DMBT1: variants seen among roughly 807,000 people sequenced by gnomAD.
The protein encoded by DMBT1 is deleted in malignant brain tumors 1.
A neutral mutation model predicts 252.9 loss-of-function variants in DMBT1; 198 were observed. That is an observed-to-expected ratio of 0.78 (90% CI 0.70 to 0.88). The LOEUF is 0.88. Among genes scored for constraint, DMBT1 ranks in the 40% least tolerant of loss-of-function variants. The pLI is 0.00. For synonymous variants in DMBT1, 990 were observed against 942.7 expected (o/e 1.05, Z -0.92); for missense variants, 2,432 against 2,404.7 (o/e 1.01, Z -0.24).
Position 122,597,990 on chromosome 10 carries a change from C to T in DMBT1, c.2934C>T (p.Ile978=). The part of the protein sequence containing the change: ...STPSPDTLPT[I]TLPASTVGSE... The stretch of plus-strand genomic sequence containing the variant: ...CAATTACAGACACATTGCCGACCAT[C>T]ACCTTGCCTGCATCGACAGTAGGTA... The change falls in exon 25 of 56, where the codon ATC becomes ATT. Residue 978 remains isoleucine (I), a synonymous_variant. Transcript: ENST00000338354. The T allele has an allele frequency of 5.0e-6, 8 of 1,613,936 alleles. No homozygotes were observed. The highest frequency in any genetic ancestry group is 6.8e-6 in the Non-Finnish European group (8 of 1,179,866).
Position 122,598,806 on chromosome 10 carries a change from A to T in DMBT1, c.2989A>T (p.Asn997Tyr). ...SESSLALRLV[N>Y]GGDRCQGRVE... ...ATCCAGTTTGGCCCTGAGGCTGGTGAATGGAGGTGACAGGTGTCAGGGCCG... is the reference window on the plus strand; with the variant it reads ...ATCCAGTTTGGCCCTGAGGCTGGTGTATGGAGGTGACAGGTGTCAGGGCCG... Residue 997 changes from asparagine (N) to tyrosine (Y), a missense_variant, in exon 26 of 56, where the codon AAT becomes TAT. By Grantham distance (143) the Asn-to-Tyr change is moderately radical. Transcript: ENST00000338354. 6.2e-7 allele frequency: 1 copy of T among 1,613,406 alleles called. No individual in the cohort carries two copies. Among genetic ancestry groups the T allele is most frequent in the Non-Finnish European group, 8.5e-7 (1 of 1,179,736 alleles).
chr10:122,568,001 T>C (rs1009385060), intron 2 of DMBT1, among the ~76,000 whole-genome samples: 64 of 152,152 alleles, frequency 4.2e-4, no homozygotes, highest in African/African-American at 1.5e-3. Flanking sequence ...GCTGATTGAA[T>C]CAATGAATGT....
rs893139091 is a variant in DMBT1, at chr10:122,589,556, G to A, written c.2107+289G>A. Among the ~76,000 whole-genome samples the A allele has an allele frequency of 2.0e-4, 30 of 148,224 alleles. 1 individual carries two copies. Among genetic ancestry groups the A allele is most frequent in the African/African-American group, 7.3e-4 (30 of 41,036 alleles). On this transcript the variant is annotated intron_variant, in intron 17 of 55. Coordinates refer to ENST00000338354, the MANE Select transcript of DMBT1 (RefSeq NM_001377530.1). ...AAGGGCTGGGTCTTTGCATTTTAGT[G>A]TGGCTGGAAAGGAATGGCTGGGGTC...
Position 122,597,838 on chromosome 10 carries a change from C to A in DMBT1, c.2918-136C>A, listed in dbSNP as rs189956731. On this transcript the variant is annotated intron_variant, in intron 24 of 55. Transcript: ENST00000338354. ...GAGCTTGCTGAGCTGCAGACTTGGG[C>A]AGACACATGGGGAGCAAGTGGCAGG... 569 of 1,318,196 alleles carry A rather than the reference C, an allele frequency of 4.3e-4. 3 individuals are homozygous for A. In the African/African-American group the frequency reaches 6.6e-3, roughly 15 times the overall value. 81.7% of individuals were successfully genotyped at this position (1,318,196 alleles called of 1,614,324 possible).
chr10:122,598,738 T>C (rs369734507), intron 25 of DMBT1, 36 bp from the exon 26 acceptor site: 3 of 1,612,166 alleles, frequency 1.9e-6, no homozygotes, highest in Non-Finnish European at 2.5e-6. Context: ...GACCTCATGA[T>C]AGGGATGGAT....
chr10:122,592,258 G>T lies in DMBT1; in HGVS notation c.2177-14G>T, dbSNP rs375440044. The T allele has an allele frequency of 5.6e-5, 89 of 1,585,640 alleles. 4 individuals are homozygous for T. In the African/African-American group the frequency reaches 1.1e-3, roughly 19 times the overall value. ...TGGTAGGGATGGATAAAGGGTTCTT[G>T]TGTTCCCCTGTAGGATCTGAATCCA... On this transcript the variant is annotated splice_polypyrimidine_tract_variant and intron_variant, in intron 19 of 55. Coordinates refer to ENST00000338354, the MANE Select transcript of DMBT1 (RefSeq NM_001377530.1).
At position 122,633,303 on chromosome 10, in the gene DMBT1, A is replaced by C. The variant is rs780273180; in HGVS notation, c.6510A>C (p.Gln2170His). 1.2e-6 allele frequency: 2 copies of C among 1,614,018 alleles called. No homozygotes were observed. Among genetic ancestry groups the C allele is most frequent in the South Asian group, 2.2e-5 (2 of 91,084 alleles). Residue 2170 changes from glutamine to histidine, a missense_variant, in exon 52 of 56, where the codon CAA (glutamine) becomes CAC (histidine). Around this residue, in one of 3 missense-constraint regions of DMBT1, gnomAD observed 1,162 missense variants for 1,169.0 expected, o/e 0.99. Coordinates refer to ENST00000338354, the MANE Select transcript of DMBT1 (RefSeq NM_001377530.1). ...AGTGTGTGTGGGACATTGAGGTGCA[A>C]AACAACTACCGTGTGACTGTGATCT... ...NAKCVWDIEV[Q>H]NNYRVTVIFR...
chr10:122,622,882 C>A lies in DMBT1; in HGVS notation c.5608+1502C>A, dbSNP rs185553083. Among the ~76,000 whole-genome samples, 29 of 152,288 alleles carry A rather than the reference C, an allele frequency of 1.9e-4. No individual in the cohort carries two copies. The South Asian group carries it at 5.6e-3, about 29-fold the overall frequency. ...CAGAGATAGCCATCCCTCAGTTGGA[C>A]CCTTCCTTTCTTTTGATACTATCTG... On this transcript the variant is annotated intron_variant, in intron 44 of 55. Coordinates refer to ENST00000338354, the MANE Select transcript of DMBT1 (RefSeq NM_001377530.1).
intron 4 of DMBT1, 30 bp downstream of exon 4, chr10:122,570,967 G>T (rs759841266): frequency 5.6e-6 from 9 of 1,607,200 alleles, no homozygotes; most frequent in South Asian, 1.1e-5. Context: ...ATCCCTGTGG[G>T]CTCATTACCC....
intron 50 of DMBT1, among the ~76,000 whole-genome samples, chr10:122,632,291 C>A (rs2098171708): frequency 6.6e-6 from 1 of 152,020 alleles, no homozygotes; most frequent in Admixed American, 6.6e-5. Flanking sequence ...TTTGTCATCC[C>A]CTCCTGGCCT....
intron 54 of DMBT1, among the ~76,000 whole-genome samples, chr10:122,638,864 A>G (rs1843973382): frequency 6.6e-6 from 1 of 152,256 alleles, no homozygotes; most frequent in South Asian, 2.1e-4. Flanking sequence ...GAGTTGATAT[A>G]GTATTATTAA....
chr10:122,566,335 T>C (rs4284346), intron 2 of DMBT1, among the ~76,000 whole-genome samples: 99,648 of 149,184 alleles, frequency 0.67, 33,744 homozygotes, highest in East Asian at 0.77. Context: ...CTTTTTGAGA[T>C]GGAGTCTTGC....
chr10:122,643,130 G>A lies in DMBT1; in HGVS notation c.7361G>A (p.Arg2454Lys), dbSNP rs376742160. The change falls in exon 56 of 56, where the codon AGG (arginine) becomes AAG (lysine). Residue 2454 changes from arginine (R) to lysine (K), a missense_variant. Around this residue, in one of 3 missense-constraint regions of DMBT1, gnomAD observed 1,162 missense variants for 1,169.0 expected, o/e 0.99. Coordinates refer to ENST00000338354, the MANE Select transcript of DMBT1 (RefSeq NM_001377530.1). ...CTACTGTTCTCTTCCAGATGCGTGA[G>A]GGATGACACCTACGGACCCTACTCC... ...TYDLIRSGCV[R>K]DDTYGPYSSP... 8 of 1,613,562 alleles carry A rather than the reference G, an allele frequency of 5.0e-6. No individual in the cohort carries two copies. The African/African-American group carries it at 9.3e-5, about 19-fold the overall frequency.
rs765940918 is a variant in DMBT1, at chr10:122,576,463, G to A, written c.348G>A (p.Glu116=). 1.2e-6 allele frequency: 2 copies of A among 1,614,006 alleles called. No homozygotes were observed. Among genetic ancestry groups the A allele is most frequent in the Admixed American group, 1.7e-5 (1 of 60,024 alleles). The change falls in exon 7 of 56, where the codon GAG becomes GAA. Residue 116 remains glutamate, a synonymous_variant. Transcript: ENST00000338354. ...NGDGRCQGRV[E]ILYRGSWGTV... is the part of the protein sequence containing the mutation. ...ATGGCAGGTGTCAGGGCCGAGTGGA[G>A]ATCCTATACCGAGGCTCCTGGGGCA...
intron 26 of DMBT1, 146 bp downstream of exon 26, chr10:122,599,243 C>A (rs548418628): frequency 2.5e-5 from 36 of 1,465,682 alleles, no homozygotes; most frequent in South Asian, 1.7e-4. Context: ...CTAAGAATCC[C>A]TATGTACTCA....
chr10:122,574,089 T>C (rs2097690559), intron 6 of DMBT1, among the ~76,000 whole-genome samples: 1 of 152,214 alleles, frequency 6.6e-6, no homozygotes, highest in Non-Finnish European at 1.5e-5. Context: ...CCTAGGGTTC[T>C]GGATCTCTGG....
rs563142043 is a variant in DMBT1 at position 122,589,003 on chromosome 10, G to A, written c.1843G>A (p.Val615Met). The A allele has an allele frequency of 5.7e-6, 9 of 1,588,700 alleles. No individual in the cohort carries two copies. In the Admixed American group the frequency reaches 8.4e-5, roughly 15 times the overall value. The change falls in exon 17 of 56, where the codon GTG becomes ATG. Residue 615 changes from valine (V) to methionine (M), a missense_variant. Around this residue, in one of 3 missense-constraint regions of DMBT1, gnomAD observed 1,264 missense variants for 1,082.2 expected, o/e 1.17. Transcript: ENST00000338354. Reference protein sequence around the residue: ...VNGGDRCQGRVEVLYRGSWGT... With the variant: ...VNGGDRCQGRMEVLYRGSWGT... Reference sequence around the variant, plus strand: ...TGGAGGTGACAGGTGTCAGGGCCGAGTGGAGGTCCTATACCGAGGCTCTTG... The same window carrying A: ...TGGAGGTGACAGGTGTCAGGGCCGAATGGAGGTCCTATACCGAGGCTCTTG...
chr10:122,577,512 C>T (rs2097723162), intron 7 of DMBT1, among the ~76,000 whole-genome samples: 1 of 152,180 alleles, frequency 6.6e-6, no homozygotes. Flanking sequence ...CTACTCATTG[C>T]TTAGGGTGGC....
chr10:122,619,308 C>T lies in DMBT1; in HGVS notation c.5216C>T (p.Ala1739Val). The stretch of plus-strand genomic sequence containing the variant: ...TGACCTTCTCTTCTCTTTCTCACAG[C>T]TGCTCAGTCCCAGTCAACGCCCAGG... ...HHEDAGVICS[A>V]AQSQSTPRPD... is the part of the protein sequence containing the mutation. Residue 1739 changes from alanine (A) to valine (V), a missense_variant and splice_region_variant, in exon 42 of 56, where the codon GCT becomes GTT. By Grantham distance (64) the Ala-to-Val change is moderately conservative. This residue lies in a region of DMBT1 where 1,162 missense variants were observed against 1,169.0 expected (regional missense o/e 0.99). Transcript: ENST00000338354. 6.2e-7 allele frequency: 1 copy of T among 1,614,004 alleles called. No individual in the cohort carries two copies. Among genetic ancestry groups the T allele is most frequent in the Non-Finnish European group, 8.5e-7 (1 of 1,179,878 alleles).
Sources: allele counts gnomAD v4.1 joint callset (sites outside exome capture counted in the v4.1 genomes callset), GRCh38; gene constraint gnomAD v4.1.1; regional missense constraint gnomAD v4.1.1; transcripts MANE v1.5; gene names NCBI Gene and HGNC (gene_info 2026-07-23, HGNC 2026-07-21).